PRTG: variants seen among roughly 807,000 people sequenced by gnomAD.
PRTG encodes immunoglobulin superfamily, DCC subclass, member 5.
In PRTG, 67 loss-of-function variants were observed where a neutral mutation model predicts 122.5. The ratio of observed to expected loss-of-function variants is 0.55; its 90% CI spans 0.45 to 0.67. PRTG has a LOEUF of 0.67. Ranked by LOEUF, PRTG falls within the 30% of genes least tolerant of loss-of-function variation. The probability of loss-of-function intolerance (pLI) is 0.00; values close to 1 mark genes in which losing one functional copy is unlikely to be tolerated. For synonymous variants in PRTG, 554 were observed against 501.1 expected (o/e 1.11, Z -1.41); for missense variants, 1,435 against 1,415.4 (o/e 1.01, Z -0.22).
At position 55,696,189 on chromosome 15, in the gene PRTG, G is replaced by T. The variant is rs550460857; in HGVS notation, c.398-12258C>A. On this transcript the variant is annotated intron_variant, in intron 2 of 19. Transcript: ENST00000389286. ...TGAGGTAAGAGGATCACTTGAGCCT[G>T]GGAGGTAGAAGCTGCAGTGAGCCAT... Among the ~76,000 whole-genome samples, 3 of 152,242 alleles carry T rather than the reference G, an allele frequency of 2.0e-5. No homozygotes were observed. In the South Asian group the frequency reaches 6.2e-4, roughly 32 times the overall value.
chr15:55,690,721 T>C (rs931637361), intron 2 of PRTG, among the ~76,000 whole-genome samples: 3 of 152,122 alleles, frequency 2.0e-5, no homozygotes, highest in African/African-American at 4.8e-5. Flanking sequence ...TCAACCCAAA[T>C]TATAAAAGCA....
rs534940619 is a variant in PRTG, at chr15:55,656,710, C to G, written c.2042-15502G>C. Among the ~76,000 whole-genome samples, 94 of 152,290 alleles carry G rather than the reference C, an allele frequency of 6.2e-4. 3 individuals are homozygous for G. The South Asian group carries it at 0.019, about 31-fold the overall frequency. ...TTTTTAGCAGAGACAGGGTTTCACC[C>G]TGTTAGCCAGGATGGTCTCGATCTC... On this transcript the variant is annotated intron_variant, in intron 11 of 19. Transcript: ENST00000389286.
At chr15:55,659,807 T>C (rs2059399659) in intron 11 of PRTG, among the ~76,000 whole-genome samples, 1 of 151,960 alleles carries the variant, frequency 6.6e-6, no homozygotes, top group Non-Finnish European at 1.5e-5. Context: ...AAGTCCCAGC[T>C]ACTTGGGAGG....
At chr15:55,691,848 T>C (rs986178544) in intron 2 of PRTG, among the ~76,000 whole-genome samples, 1 of 151,532 alleles carries the variant, frequency 6.6e-6, no homozygotes, top group East Asian at 1.9e-4. Flanking sequence ...GCCTGGGAAA[T>C]AGGGCGAGAC....
At chr15:55,674,942 G>A (rs1567094176) in intron 9 of PRTG, among the ~76,000 whole-genome samples, 1 of 152,026 alleles carries the variant, frequency 6.6e-6, no homozygotes, top group Non-Finnish European at 1.5e-5. Flanking sequence ...ATCTTAATAT[G>A]GATGAAATTT....
chr15:55,689,588 G>C (rs1276092959), intron 2 of PRTG, among the ~76,000 whole-genome samples: 2 of 149,404 alleles, frequency 1.3e-5, no homozygotes, highest in Non-Finnish European at 3.0e-5. Context: ...GTATACCTAT[G>C]TAACAAACCT....
chr15:55,743,112 G>C lies in PRTG; in HGVS notation c.-181C>G. On this transcript the variant is annotated 5_prime_UTR_variant, in exon 1 of 20. Coordinates refer to ENST00000389286, the MANE Select transcript of PRTG (RefSeq NM_173814.6). ...GAGGCTGGTGCTCGGACGGCCGCTC[G>C]CGAGAAGCAAGGGGCCTGAGAGTCC... 4 of 1,277,668 alleles carry C rather than the reference G, an allele frequency of 3.1e-6. No homozygotes were observed. The highest frequency in any genetic ancestry group is 3.9e-6 in the Non-Finnish European group (4 of 1,016,766). The allele number at this position is 1,277,668 out of a possible 1,614,324, so 79.1% of individuals were successfully genotyped here.
rs1306944866 is a variant in PRTG, at chr15:55,683,650, G to A, written c.542+137C>T. Reference sequence around the variant, plus strand: ...ACTGATGATCTAATTCTTTGGCTAAGTTTGAAATGTCTTAAGCAATCAGTT... The same window carrying A: ...ACTGATGATCTAATTCTTTGGCTAAATTTGAAATGTCTTAAGCAATCAGTT... On this transcript the variant is annotated intron_variant, in intron 3 of 19. Transcript: ENST00000389286. The A allele has an allele frequency of 4.4e-5, 28 of 631,680 alleles. No individual in the cohort carries two copies. In the East Asian group the frequency reaches 7.1e-4, roughly 16 times the overall value. The allele number at this position is 631,680 out of a possible 1,614,324, so 39.1% of individuals were successfully genotyped here.
At chr15:55,718,852 C>T (rs2030703985) in intron 2 of PRTG, among the ~76,000 whole-genome samples, 1 of 152,074 alleles carries the variant, frequency 6.6e-6, no homozygotes, top group Admixed American at 6.6e-5. Flanking sequence ...AAGCGATTCA[C>T]CTGCCTCAGC....
intron 11 of PRTG, chr15:55,656,218 G>A (rs1009136119): frequency 2.0e-5 from 7 of 347,768 alleles, no homozygotes; most frequent in South Asian, 4.8e-5. Context: ...AGGATTACAC[G>A]CTCCACATCG....
At chr15:55,646,826 G>A (rs998295104) in intron 11 of PRTG, among the ~76,000 whole-genome samples, 1 of 152,188 alleles carries the variant, frequency 6.6e-6, no homozygotes. Flanking sequence ...CTAGCCAAAT[G>A]TACTTTTCTT....
At chr15:55,677,757 C>G in intron 8 of PRTG, 40 bp downstream of exon 8, 1 of 1,592,776 alleles carries the variant, frequency 6.3e-7, no homozygotes, top group Non-Finnish European at 8.6e-7. Flanking sequence ...TCCTTGATAG[C>G]AAGGAGTACT....
At position 55,615,824 on chromosome 15, in the gene PRTG, A is replaced by G. The variant is rs760693793; in HGVS notation, c.*4188T>C. 1 of 152,102 alleles carries G rather than the reference A, an allele frequency of 6.6e-6. No individual in the cohort carries two copies. Among genetic ancestry groups the G allele is most frequent in the African/African-American group, 2.4e-5 (1 of 41,446 alleles). 9.4% of individuals were successfully genotyped at this position (152,102 alleles called of 1,614,324 possible). A position where few individuals can be genotyped will look rare whatever the true frequency, so the allele number is the denominator to read the frequency against. On this transcript the variant is annotated 3_prime_UTR_variant, in exon 20 of 20. Transcript: ENST00000389286. ...TGCTGAAGTGAAACCACATCTGGGT[A>G]TTCTTGCATTAAAAAATAAATGATA...
Position 55,673,470 on chromosome 15 carries a change from T to A in PRTG, c.1753A>T (p.Ser585Cys), listed in dbSNP as rs766494863. 6.2e-7 allele frequency: 1 copy of A among 1,614,180 alleles called. No individual in the cohort carries two copies. The highest frequency in any genetic ancestry group is 1.7e-5 in the Admixed American group (1 of 60,022). The change falls in exon 10 of 20, where the codon AGT becomes TGT. Residue 585 changes from serine (S) to cysteine (C), a missense_variant. Ser to Cys is a moderately radical substitution (Grantham distance 112). Coordinates refer to ENST00000389286, the MANE Select transcript of PRTG (RefSeq NM_173814.6). ...EYLLEGLKPD[S>C]VYLVRITAAT... ...GCAGTAATCCGAACCAGGTAGACAC[T>A]GTCAGGTTTCAGGCCTTCCAAAAGG...
intron 2 of PRTG, chr15:55,738,064 T>C (rs1214518159): frequency 4.7e-4 from 18 of 37,934 alleles, no homozygotes; most frequent in Middle Eastern, 0.012. Flanking sequence ...CACACACTCT[T>C]CCTGTAAATA....
chr15:55,674,089 T>C (rs753067548), intron 9 of PRTG, among the ~76,000 whole-genome samples: 1 of 152,136 alleles, frequency 6.6e-6, no homozygotes, highest in Non-Finnish European at 1.5e-5. Flanking sequence ...AGTGTAAGAG[T>C]TGCATCTTAA....
At position 55,640,030 on chromosome 15, in the gene PRTG, G is replaced by A. The variant is rs549920618; in HGVS notation, c.2138-202C>T. 37 of 827,250 alleles carry A rather than the reference G, an allele frequency of 4.5e-5. No homozygotes were observed. The East Asian group carries it at 5.1e-4, about 11-fold the overall frequency. The allele number at this position is 827,250 out of a possible 1,614,324, so 51.2% of individuals were successfully genotyped here. ...TATATAAGAAGTCAAAAACAGTCATGCATCACTAAAGAACAGGCATACATT... is the reference window on the plus strand; with the variant it reads ...TATATAAGAAGTCAAAAACAGTCATACATCACTAAAGAACAGGCATACATT... On this transcript the variant is annotated intron_variant, in intron 12 of 19. Coordinates refer to ENST00000389286, the MANE Select transcript of PRTG (RefSeq NM_173814.6).
At chr15:55,695,004 A>G (rs2059624609) in intron 2 of PRTG, among the ~76,000 whole-genome samples, 2 of 152,236 alleles carry the variant, frequency 1.3e-5, no homozygotes, top group South Asian at 4.1e-4. Context: ...CAAGGTCTTG[A>G]GAAACATGCG....
Position 55,615,028 on chromosome 15 carries a change from A to G in PRTG, c.*4984T>C, listed in dbSNP as rs1387846544. ...ATCCTGGATTATTTAGGTGGGCTCAATGTGATCACTGGAATCCTTAAACCT... is the reference window on the plus strand; with the variant it reads ...ATCCTGGATTATTTAGGTGGGCTCAGTGTGATCACTGGAATCCTTAAACCT... On this transcript the variant is annotated 3_prime_UTR_variant, in exon 20 of 20. Transcript: ENST00000389286. 6.6e-6 allele frequency: 1 copy of G among 152,126 alleles called. No homozygotes were observed. Among genetic ancestry groups the G allele is most frequent in the Admixed American group, 6.6e-5 (1 of 15,250 alleles). The allele number at this position is 152,126 out of a possible 1,614,324, so 9.4% of individuals were successfully genotyped here.
Sources: gnomAD v4.1 joint callset for allele counts (sites outside exome capture counted in the v4.1 genomes callset) on GRCh38, gnomAD v4.1.1 for gene constraint, MANE v1.5 for transcripts, NCBI Gene and HGNC (gene_info 2026-07-23, HGNC 2026-07-21) for gene names.